Variants in XYLT1 observed in about 807,000 individuals in gnomAD.
XYLT1 encodes the protein xylosyltransferase 1.
XYLT1 carries 36 observed loss-of-function variants against 91.3 expected under a neutral mutation model. That is an observed-to-expected ratio of 0.39 (90% CI 0.30 to 0.52). XYLT1 has a LOEUF of 0.52. Ranked by LOEUF, XYLT1 falls within the 20% of genes least tolerant of loss-of-function variation. The pLI, the probability that XYLT1 is intolerant of heterozygous loss-of-function variation, is 0.68. For synonymous variants in XYLT1, 588 were observed against 532.0 expected, an observed-to-expected ratio of 1.11 and a Z score of -1.45; for missense variants, 1,242 against 1,284.5, an observed-to-expected ratio of 0.97 and a Z score of 0.51.
intron 1 of XYLT1, among the ~76,000 whole-genome samples, chr16:17,453,948 G>A (rs1415843186): frequency 1.8e-4 from 27 of 152,172 alleles, no homozygotes; most frequent in Admixed American, 1.8e-3. Context: ...GCCTAGAAGG[G>A]ACTAAGAATG....
intron 2 of XYLT1, among the ~76,000 whole-genome samples, chr16:17,351,753 G>C (rs866089301): frequency 6.7e-6 from 1 of 149,808 alleles, no homozygotes; most frequent in South Asian, 2.1e-4. Flanking sequence ...TTTTTTTGGG[G>C]GGGGGTGCTT....
intron 1 of XYLT1, among the ~76,000 whole-genome samples, chr16:17,391,241 A>T (rs1351720710): frequency 3.9e-5 from 6 of 152,048 alleles, no homozygotes; most frequent in Non-Finnish European, 8.8e-5. Context: ...CTTGATATGA[A>T]CTAGGGGAAG....
intron 5 of XYLT1, among the ~76,000 whole-genome samples, chr16:17,183,814 T>C (rs1385801297): frequency 6.6e-6 from 1 of 152,046 alleles, no homozygotes; most frequent in African/African-American, 2.4e-5. Flanking sequence ...GGAGAGAAAA[T>C]ACTTGAATGA....
chr16:17,186,467 ATTTTTTT>A (rs55895412), intron 5 of XYLT1, among the ~76,000 whole-genome samples: 1 of 132,422 alleles, frequency 7.6e-6, no homozygotes, highest in Non-Finnish European at 1.6e-5. Context: ...CACCTGGTTA[ATTTTTTT>A]TTTTTTTTTT....
At chr16:17,327,297 A>G (rs2034820018) in intron 2 of XYLT1, among the ~76,000 whole-genome samples, 1 of 152,128 alleles carries the variant, frequency 6.6e-6, no homozygotes, top group Non-Finnish European at 1.5e-5. Flanking sequence ...CCTGTCAACA[A>G]AAACAGCCAT....
intron 5 of XYLT1, among the ~76,000 whole-genome samples, chr16:17,161,265 G>T (rs536644329): frequency 6.6e-6 from 1 of 152,188 alleles, no homozygotes; most frequent in African/African-American, 2.4e-5. Context: ...GCTTCCACAT[G>T]AAATCGTCTC....
intron 3 of XYLT1, among the ~76,000 whole-genome samples, chr16:17,254,647 G>T (rs536652586): frequency 6.6e-6 from 1 of 152,006 alleles, no homozygotes; most frequent in Non-Finnish European, 1.5e-5. Context: ...CACCTGCCTC[G>T]GCCTCCCAAA....
intron 2 of XYLT1, among the ~76,000 whole-genome samples, chr16:17,343,484 A>C (rs2141849009): frequency 6.6e-6 from 1 of 152,072 alleles, no homozygotes; most frequent in African/African-American, 2.4e-5. Flanking sequence ...AAAAAAGAAT[A>C]ATTTGAGACA....
Position 17,339,772 on chromosome 16 carries a change from T to C in XYLT1, c.402+18240A>G, listed in dbSNP as rs114995525. 6.2e-3 allele frequency among the ~76,000 whole-genome samples: 944 copies of C among 152,282 alleles called. 5 individuals are homozygous for C. The highest frequency in any genetic ancestry group is 0.021 in the African/African-American group (884 of 41,548). ...ACCTAAAGCAGTGGTTAGTATACAA[T>C]AGGAATTTTTAAAAAATGAACTGAG... On this transcript the variant is annotated intron_variant, in intron 2 of 11. Transcript: ENST00000261381.
intron 2 of XYLT1, among the ~76,000 whole-genome samples, chr16:17,268,913 T>C (rs2033847373): frequency 6.6e-6 from 1 of 152,176 alleles, no homozygotes; most frequent in South Asian, 2.1e-4. Flanking sequence ...CTTCAGGTGA[T>C]CTGCCTGCCT....
At chr16:17,263,163 G>A (rs1471334347) in intron 2 of XYLT1, among the ~76,000 whole-genome samples, 9 of 151,748 alleles carry the variant, frequency 5.9e-5, no homozygotes, top group Admixed American at 4.6e-4. Flanking sequence ...AAGTTTCCCC[G>A]CCACACAACA....
Position 17,470,455 on chromosome 16 carries a change from C to G in XYLT1, c.342G>C (p.Gly114=), listed in dbSNP as rs1596564914. ...TTACCAGAGCCCGGGCGGGCAGTGCCCCCCGGCTGGCCGGCTGCTGTCCCC... is the reference window on the plus strand; with the variant it reads ...TTACCAGAGCCCGGGCGGGCAGTGCGCCCCGGCTGGCCGGCTGCTGTCCCC... ...EPRGQQPASR[G]ALPARALDPH... is the part of the protein sequence containing the mutation. Residue 114 remains glycine, a synonymous_variant, in exon 1 of 12, where the codon GGG becomes GGC. Coordinates refer to ENST00000261381, the MANE Select transcript of XYLT1 (RefSeq NM_022166.4). The G allele has an allele frequency of 8.1e-7, 1 of 1,231,760 alleles. No homozygotes were observed. Among genetic ancestry groups the G allele is most frequent in the Admixed American group, 4.2e-5 (1 of 23,610 alleles). The allele number at this position is 1,231,760 out of a possible 1,614,324, so 76.3% of individuals were successfully genotyped here. A position where few individuals can be genotyped will look rare whatever the true frequency, so the allele number is the denominator to read the frequency against.
intron 1 of XYLT1, among the ~76,000 whole-genome samples, chr16:17,439,196 T>G (rs957206525): frequency 6.6e-6 from 1 of 152,222 alleles, no homozygotes; most frequent in Non-Finnish European, 1.5e-5. Context: ...GTGGCACAAT[T>G]TCTTCCTCCT....
At chr16:17,258,803 T>A (rs549025424) in intron 3 of XYLT1, among the ~76,000 whole-genome samples, 185 bp downstream of exon 3, 1 of 151,706 alleles carries the variant, frequency 6.6e-6, no homozygotes, top group Non-Finnish European at 1.5e-5. Context: ...TTTGCAAAAT[T>A]TTTCTGATAC....
chr16:17,119,533 G>A (rs908919603), intron 10 of XYLT1, among the ~76,000 whole-genome samples: 3 of 152,210 alleles, frequency 2.0e-5, no homozygotes, highest in Admixed American at 1.3e-4. Flanking sequence ...AATAGGAGCT[G>A]ATCTAGCTTC....
chr16:17,424,634 C>A (rs2036290196), intron 1 of XYLT1, among the ~76,000 whole-genome samples: 1 of 152,052 alleles, frequency 6.6e-6, no homozygotes, highest in African/African-American at 2.4e-5. Context: ...CTTTGGGAGG[C>A]CGAGGCAGGC....
At chr16:17,117,113 G>A (rs1182912299) in intron 11 of XYLT1, among the ~76,000 whole-genome samples, 1 of 152,174 alleles carries the variant, frequency 6.6e-6, no homozygotes, top group East Asian at 1.9e-4. Flanking sequence ...CATGGTGACT[G>A]TGTTCCAATA....
At chr16:17,147,385 T>C (rs2031161866) in intron 6 of XYLT1, among the ~76,000 whole-genome samples, 1 of 152,212 alleles carries the variant, frequency 6.6e-6, no homozygotes. Context: ...GTGAGAGGAC[T>C]AGCAAAATTT....
intron 2 of XYLT1, among the ~76,000 whole-genome samples, chr16:17,269,216 A>C (rs2033851719): frequency 2.0e-5 from 3 of 147,124 alleles, no homozygotes; most frequent in African/African-American, 7.6e-5. Context: ...ACAGGGTCTC[A>C]TTTTGTTCCC....
Sources: allele counts gnomAD v4.1 joint callset (sites outside exome capture counted in the v4.1 genomes callset), GRCh38; gene constraint gnomAD v4.1.1; transcripts MANE v1.5; gene names NCBI Gene and HGNC (gene_info 2026-07-23, HGNC 2026-07-21).